SLC16A7: variants seen among roughly 807,000 people sequenced by gnomAD.
The protein encoded by SLC16A7 is monocarboxylate transporter 2.
Under a neutral mutation model 34.9 loss-of-function variants are expected in SLC16A7, and 33 were observed. The observed-to-expected ratio is 0.94, with a 90% CI of 0.72 to 1.26. SLC16A7 has a LOEUF of 1.26. Among genes scored for constraint, SLC16A7 ranks in the 50% most tolerant of loss-of-function variants. SLC16A7 has a pLI of 0.00. For synonymous variants in SLC16A7, 201 were observed against 206.6 expected (o/e 0.97, Z 0.23); for missense variants, 573 against 578.1 (o/e 0.99, Z 0.09).
chr12:59,665,594 C>A (rs1869127182), intron 2 of SLC16A7, among the ~76,000 whole-genome samples: 1 of 151,922 alleles, frequency 6.6e-6, no homozygotes, highest in Non-Finnish European at 1.5e-5. Context: ...TAATTAAAGA[C>A]ATTGCTCACT....
At chr12:59,688,982 AT>A (rs1871360590) in intron 2 of SLC16A7, among the ~76,000 whole-genome samples, 1 of 151,798 alleles carries the variant, frequency 6.6e-6, no homozygotes, top group African/African-American at 2.4e-5. Context: ...AGGAATTATA[AT>A]TTTTTCTGCA....
At chr12:59,725,015 A>G (rs1876070224) in intron 3 of SLC16A7, among the ~76,000 whole-genome samples, 1 of 141,460 alleles carries the variant, frequency 7.1e-6, no homozygotes, top group South Asian at 2.1e-4. Context: ...GATATTCTTT[A>G]CCAAGGAATA....
At chr12:59,664,581 T>C (rs1213570567) in intron 2 of SLC16A7, 1 of 152,174 alleles carries the variant, frequency 6.6e-6, no homozygotes, top group Admixed American at 6.6e-5. Flanking sequence ...TTATGCATAT[T>C]AAATCACGCA....
chr12:59,784,270 C>G lies in SLC16A7; in HGVS notation c.*4591C>G, dbSNP rs1402304396. Reference sequence around the variant, plus strand: ...CCTGTAGTCCCAGCTACTCGGGAGGCTGAGACGAGAGGGTCATTTGAGCCC... The same window carrying G: ...CCTGTAGTCCCAGCTACTCGGGAGGGTGAGACGAGAGGGTCATTTGAGCCC... On this transcript the variant is annotated 3_prime_UTR_variant, in exon 6 of 6. Transcript: ENST00000547379. 6.6e-6 allele frequency: 1 copy of G among 151,892 alleles called. No homozygotes were observed. The highest frequency in any genetic ancestry group is 1.5e-5 in the Non-Finnish European group (1 of 68,000). The allele number at this position is 151,892 out of a possible 1,614,324, so 9.4% of individuals were successfully genotyped here.
intron 2 of SLC16A7, among the ~76,000 whole-genome samples, chr12:59,684,800 T>TTAATTAA (rs767341576): frequency 7.9e-5 from 12 of 152,172 alleles, no homozygotes; most frequent in Non-Finnish European, 1.8e-4. Context: ...TAGTATCAAG[T>TTAATTAA]TGATGCCTGG....
chr12:59,671,739 T>C (rs1869723805), intron 2 of SLC16A7, among the ~76,000 whole-genome samples: 1 of 146,186 alleles, frequency 6.8e-6, no homozygotes, highest in South Asian at 2.1e-4. Flanking sequence ...TATATATGTA[T>C]ATATGTATAT....
At chr12:59,639,509 A>G (rs1238493756) in intron 1 of SLC16A7, among the ~76,000 whole-genome samples, 3 of 151,994 alleles carry the variant, frequency 2.0e-5, no homozygotes, top group East Asian at 1.9e-4. Flanking sequence ...TCAGCTTCCC[A>G]AGTAGCTGGG....
chr12:59,650,816 C>G (rs756162107), intron 1 of SLC16A7, among the ~76,000 whole-genome samples: 1 of 152,116 alleles, frequency 6.6e-6, no homozygotes, highest in Non-Finnish European at 1.5e-5. Context: ...TATACTCCCT[C>G]TAGTTGTAGG....
At chr12:59,669,050 C>A (rs921330661) in intron 2 of SLC16A7, among the ~76,000 whole-genome samples, 1 of 152,118 alleles carries the variant, frequency 6.6e-6, no homozygotes, top group Non-Finnish European at 1.5e-5. Context: ...ATAAATGACC[C>A]AGTCTTGAAT....
chr12:59,762,749 A>T (rs574759329), intron 3 of SLC16A7, among the ~76,000 whole-genome samples: 120 of 151,928 alleles, frequency 7.9e-4, no homozygotes, highest in African/African-American at 2.9e-3. Context: ...TTGAGGCTGC[A>T]GTGTACTATA....
intron 1 of SLC16A7, among the ~76,000 whole-genome samples, chr12:59,639,299 T>C (rs1592421739): frequency 6.6e-6 from 1 of 152,134 alleles, no homozygotes; most frequent in East Asian, 1.9e-4. Context: ...AACTACGATA[T>C]CAAACTCTTT....
intron 3 of SLC16A7, among the ~76,000 whole-genome samples, chr12:59,743,065 A>G (rs117139778): frequency 2.0e-3 from 310 of 152,342 alleles, no homozygotes; most frequent in Middle Eastern, 6.8e-3. Flanking sequence ...GCTAGGCTGC[A>G]GAAGAAGCAA....
chr12:59,742,274 C>T (rs1039385172), intron 3 of SLC16A7, among the ~76,000 whole-genome samples: 1 of 152,190 alleles, frequency 6.6e-6, no homozygotes, highest in African/African-American at 2.4e-5. Flanking sequence ...TTGCTTCTCC[C>T]TGGCACTTGC....
At chr12:59,662,627 T>C (rs1430282378) in intron 2 of SLC16A7, among the ~76,000 whole-genome samples, 1 of 152,124 alleles carries the variant, frequency 6.6e-6, no homozygotes, top group African/African-American at 2.4e-5. Flanking sequence ...AACCTCACTG[T>C]CTGTGTTTAT....
chr12:59,605,293 G>A (rs1878884806), intron 1 of SLC16A7, among the ~76,000 whole-genome samples: 1 of 152,160 alleles, frequency 6.6e-6, no homozygotes. Context: ...AACCCCTTGT[G>A]GATTCAAGGA....
intron 3 of SLC16A7, among the ~76,000 whole-genome samples, chr12:59,754,432 C>G (rs1199551386): frequency 1.3e-5 from 2 of 152,092 alleles, no homozygotes; most frequent in African/African-American, 2.4e-5. Flanking sequence ...GATATCACCA[C>G]CAATCCCACA....
chr12:59,693,750 A>G (rs1189142334), intron 2 of SLC16A7, among the ~76,000 whole-genome samples: 2 of 151,946 alleles, frequency 1.3e-5, no homozygotes, highest in Non-Finnish European at 2.9e-5. Context: ...GACATGCGCA[A>G]GAACTGAAAT....
intron 3 of SLC16A7, among the ~76,000 whole-genome samples, chr12:59,726,847 T>C (rs905172537): frequency 2.6e-5 from 4 of 152,020 alleles, no homozygotes; most frequent in Non-Finnish European, 5.9e-5. Flanking sequence ...AAATTAGGAA[T>C]TGTATGGGAA....
intron 3 of SLC16A7, among the ~76,000 whole-genome samples, chr12:59,724,497 T>C (rs1757871677): frequency 6.6e-6 from 1 of 152,100 alleles, no homozygotes; most frequent in South Asian, 2.1e-4. Context: ...CATATATTTC[T>C]AAGTAAATAC....
Sources: allele counts gnomAD v4.1 joint callset (sites outside exome capture counted in the v4.1 genomes callset), GRCh38; gene constraint gnomAD v4.1.1; transcripts MANE v1.5; gene names NCBI Gene and HGNC (gene_info 2026-07-23, HGNC 2026-07-21).